Variants in PDE4DIP observed in about 807,000 individuals in gnomAD.
PDE4DIP encodes phosphodiesterase 4D interacting protein.
PDE4DIP carries 59 observed loss-of-function variants against 221.4 expected under a neutral mutation model. The ratio of observed to expected loss-of-function variants is 0.27; its 90% CI spans 0.22 to 0.33. The LOEUF is 0.33. PDE4DIP is among the 10% of genes least tolerant of loss of function. PDE4DIP has a pLI of 1.00. For synonymous variants in PDE4DIP, 404 were observed against 815.9 expected (o/e 0.50, Z 8.60); for missense variants, 1,036 against 2,154.2 (o/e 0.48, Z 10.28).
At position 149,001,924 on chromosome 1, in the gene PDE4DIP, T is replaced by A. The variant is rs782588727; in HGVS notation, c.3471T>A (p.Pro1157=). The change falls in exon 24 of 44, where the codon CCT becomes CCA. Residue 1157 remains proline, a synonymous_variant. Coordinates refer to ENST00000369354, the Ensembl canonical transcript of PDE4DIP. ...TAAACACAGAACTGGTTGGTTCCCCTGGGAAGCACCAACACCAAGAGGAGG... is the reference window on the plus strand; with the variant it reads ...TAAACACAGAACTGGTTGGTTCCCCAGGGAAGCACCAACACCAAGAGGAGG... 5.6e-6 allele frequency: 9 copies of A among 1,604,304 alleles called. No individual in the cohort carries two copies. In the East Asian group the frequency reaches 1.3e-4, roughly 24 times the overall value.
exon 23 of PDE4DIP, chr1:148,998,333 C>G (rs782491633): frequency 5.0e-6 from 8 of 1,604,900 alleles, no homozygotes; most frequent in Non-Finnish European, 6.8e-6. Flanking sequence ...GAGCTAAAGG[C>G]TCAAATTGAG....
chr1:149,015,610 A>C (rs1352919815), intron 32 of PDE4DIP, among the ~76,000 whole-genome samples: 2 of 152,056 alleles, frequency 1.3e-5, no homozygotes, highest in Non-Finnish European at 2.9e-5. Context: ...GTATCAGCCT[A>C]TTAAATGAAA....
chr1:148,923,649 A>G (rs1367392682), intron 1 of PDE4DIP, among the ~76,000 whole-genome samples: 1 of 144,292 alleles, frequency 6.9e-6, no homozygotes, highest in South Asian at 2.2e-4. Flanking sequence ...AATTTTTTGT[A>G]TTTTTAGTAG....
chr1:148,815,317 G>A lies in PDE4DIP; in HGVS notation c.233+6580G>A, dbSNP rs1157492052. Among the ~76,000 whole-genome samples the A allele has an allele frequency of 4.9e-5, 7 of 142,524 alleles. No homozygotes were observed. In the East Asian group the frequency reaches 6.0e-4, roughly 12 times the overall value. The allele number at this position is 142,524 out of a possible 152,430, so 93.5% of individuals were successfully genotyped here. ...TGTAATCCCAGCACTTTTGGAGGCC[G>A]AGGCACGCAGATCACGAGGTCAGGA... On this transcript the variant is annotated intron_variant, in intron 1 of 45. Coordinates refer to the PDE4DIP transcript ENST00000524974.
chr1:148,988,663 GTTTA>G (rs1170741628), intron 21 of PDE4DIP, among the ~76,000 whole-genome samples: 2 of 41,612 alleles, frequency 4.8e-5, no homozygotes, highest in African/African-American at 1.5e-4. Context: ...TGTTTTAGAG[GTTTA>G]TTTTTGTGTA....
At chr1:148,922,851 G>A (rs1205983457) in intron 1 of PDE4DIP, among the ~76,000 whole-genome samples, 4 of 150,968 alleles carry the variant, frequency 2.6e-5, no homozygotes, top group Non-Finnish European at 5.9e-5. Flanking sequence ...CTCCCAAAGT[G>A]CTGGGATTAC....
At chr1:148,828,822 CT>C (rs1671265065) in intron 1 of PDE4DIP, among the ~76,000 whole-genome samples, 1 of 150,912 alleles carries the variant, frequency 6.6e-6, no homozygotes, top group African/African-American at 2.4e-5. Flanking sequence ...AATTTCTTTC[CT>C]TGAGGTTTGA....
intron 9 of PDE4DIP, among the ~76,000 whole-genome samples, chr1:148,963,698 ATTCTTTTCTT>A (rs1288148514): frequency 1.2e-4 from 18 of 147,510 alleles, no homozygotes; most frequent in East Asian, 6.0e-4. Flanking sequence ...TAAATATACG[ATTCTTTTCTT>A]TTCTTTTCTT....
Position 149,031,861 on chromosome 1 carries a change from G to T in PDE4DIP, c.7000-83G>T. 5.9e-6 allele frequency: 8 copies of T among 1,356,246 alleles called. No homozygotes were observed. In the South Asian group the frequency reaches 8.5e-5, roughly 14 times the overall value. 84.0% of individuals were successfully genotyped at this position (1,356,246 alleles called of 1,614,324 possible). On this transcript the variant is annotated intron_variant, in intron 43 of 43. Transcript: ENST00000369354. ...CCGTGCTCCTGGCTTTGGTCACCACGTAGCTCTCACTCCAGCTTCAGGTAG... is the reference window on the plus strand; with the variant it reads ...CCGTGCTCCTGGCTTTGGTCACCACTTAGCTCTCACTCCAGCTTCAGGTAG...
At chr1:148,989,184 CT>C (rs1553553887) in intron 21 of PDE4DIP, 1 of 362,786 alleles carries the variant, frequency 2.8e-6, no homozygotes, top group African/African-American at 2.2e-5. Context: ...AATTTTTTAG[CT>C]TTACCCCTCA....
At chr1:148,869,775 T>C in intron 3 of PDE4DIP, among the ~76,000 whole-genome samples, 1 of 95,350 alleles carries the variant, frequency 1.0e-5, no homozygotes, top group African/African-American at 4.8e-5. Context: ...ACTCTTGTGC[T>C]CTAAAAAAAA....
intron 5 of PDE4DIP, among the ~76,000 whole-genome samples, chr1:148,951,762 T>A (rs587669262): frequency 4.4e-4 from 67 of 152,384 alleles, no homozygotes; most frequent in Admixed American, 9.1e-4. Flanking sequence ...TGTGCTTTTT[T>A]ATCTAAAGAA....
intron 1 of PDE4DIP, among the ~76,000 whole-genome samples, chr1:148,862,210 C>T (rs1204365065): frequency 6.6e-6 from 1 of 151,142 alleles, no homozygotes; most frequent in African/African-American, 2.4e-5. Context: ...TTCCCAACTG[C>T]TACTATACAA....
chr1:148,957,878 A>G, intron 5 of PDE4DIP, among the ~76,000 whole-genome samples: 1 of 119,464 alleles, frequency 8.4e-6, no homozygotes, highest in South Asian at 3.2e-4. Flanking sequence ...TTAAACTTGA[A>G]GCTATTTTCT....
At position 148,925,772 on chromosome 1, in the gene PDE4DIP, C is replaced by A. The variant is rs1184670470; in HGVS notation, c.142-3425C>A. ...ATCCTCACAGAATCCCTCGTGAATA[C>A]TTATCTTCATTAAAAAGCAAAGCAA... On this transcript the variant is annotated intron_variant, in intron 1 of 43. Transcript: ENST00000369354. Among the ~76,000 whole-genome samples the A allele has an allele frequency of 3.4e-5, 5 of 147,916 alleles. No homozygotes were observed. The East Asian group carries it at 1.0e-3, about 31-fold the overall frequency.
At chr1:148,990,111 T>C (rs1373898238) in intron 21 of PDE4DIP, 5 of 533,626 alleles carry the variant, frequency 9.4e-6, no homozygotes, top group East Asian at 1.5e-4. Flanking sequence ...TAAGCTGTTA[T>C]CACAGCATAC....
At chr1:149,006,716 T>C (rs2067150790) in intron 27 of PDE4DIP, 2 of 132,446 alleles carry the variant, frequency 1.5e-5, no homozygotes, top group Admixed American at 1.6e-4. Flanking sequence ...ACTAAATTTT[T>C]TTTTGATACG....
At chr1:148,862,207 C>T (rs1484050632) in intron 1 of PDE4DIP, among the ~76,000 whole-genome samples, 2 of 151,128 alleles carry the variant, frequency 1.3e-5, no homozygotes, top group East Asian at 1.9e-4. Context: ...TTGTTCCCAA[C>T]TGCTACTATA....
In PDE4DIP at chr1:148,977,948, T is replaced by C. The variant is rs145466868; in HGVS notation, c.2331T>C (p.Ser777=). 929 of 1,612,584 alleles carry C rather than the reference T, an allele frequency of 5.8e-4. 3 individuals are homozygous for C. The African/African-American group carries it at 0.011, about 19-fold the overall frequency. Reference sequence around the variant, plus strand: ...TCCTCTTTTCACAGATGGAACTTTCTGCTCTACAGTCCATGATGGCTGTGC... The same window carrying C: ...TCCTCTTTTCACAGATGGAACTTTCCGCTCTACAGTCCATGATGGCTGTGC... Residue 777 remains serine, a synonymous_variant, in exon 18 of 44, where the codon TCT becomes TCC. Transcript: ENST00000369354.
Sources: gnomAD v4.1 joint callset for allele counts (sites outside exome capture counted in the v4.1 genomes callset) on GRCh38, gnomAD v4.1.1 for gene constraint, MANE v1.5 for transcripts, NCBI Gene and HGNC (gene_info 2026-07-23, HGNC 2026-07-21) for gene names.